The following CNTN4 variants were observed in gnomAD, a reference collection of about 807,000 sequenced individuals.
CNTN4 encodes contactin 4.
Under a neutral mutation model 122.5 loss-of-function variants are expected in CNTN4, and 77 were observed. The observed-to-expected ratio is 0.63, with a 90% confidence interval of 0.52 to 0.76. The LOEUF is 0.76. Ranked by LOEUF, CNTN4 falls within the 30% of genes least tolerant of loss-of-function variation. The probability of loss-of-function intolerance (pLI) is 0.00; values close to 1 mark genes in which losing one functional copy is unlikely to be tolerated. For synonymous variants in CNTN4, 512 were observed against 447.0 expected (o/e 1.15, Z -1.83); for missense variants, 1,256 against 1,259.1 (o/e 1.00, Z 0.04).
At chr3:2,898,300 C>A (rs146201655) in intron 10 of CNTN4, among the ~76,000 whole-genome samples, 1 of 152,304 alleles carries the variant, frequency 6.6e-6, no homozygotes, top group African/African-American at 2.4e-5. Flanking sequence ...TCAAATTTGT[C>A]TTCTATGAAT....
At chr3:2,589,566 T>A (rs2080365112) in intron 4 of CNTN4, among the ~76,000 whole-genome samples, 1 of 152,106 alleles carries the variant, frequency 6.6e-6, no homozygotes. Context: ...CATTCTCAAC[T>A]TTTTTTTCAC....
chr3:2,651,087 T>C (rs1453448980), intron 4 of CNTN4, among the ~76,000 whole-genome samples: 1 of 152,224 alleles, frequency 6.6e-6, no homozygotes, highest in Non-Finnish European at 1.5e-5. Context: ...CAAGTTTATA[T>C]GTCAAAAAGA....
chr3:2,295,817 CAT>C (rs1229339358), intron 2 of CNTN4, among the ~76,000 whole-genome samples: 52 of 152,232 alleles, frequency 3.4e-4, no homozygotes, highest in African/African-American at 1.2e-3. Context: ...TTAGGTCTAA[CAT>C]GTGAGTCTTT....
intron 2 of CNTN4, among the ~76,000 whole-genome samples, chr3:2,292,709 T>C (rs763141689): frequency 6.6e-6 from 1 of 152,232 alleles, no homozygotes; most frequent in East Asian, 1.9e-4. Flanking sequence ...CTCAACATTT[T>C]AATATTCATA....
intron 4 of CNTN4, among the ~76,000 whole-genome samples, chr3:2,685,283 T>G (rs1278838388): frequency 6.6e-6 from 1 of 152,136 alleles, no homozygotes; most frequent in Non-Finnish European, 1.5e-5. Context: ...AGAGAAGTAA[T>G]GGGGAGTGAA....
intron 5 of CNTN4, among the ~76,000 whole-genome samples, chr3:2,738,687 A>G (rs929514969): frequency 1.3e-5 from 2 of 152,204 alleles, no homozygotes; most frequent in Non-Finnish European, 2.9e-5. Context: ...TAAAAGATGT[A>G]CTAGACAATG....
intron 3 of CNTN4, among the ~76,000 whole-genome samples, chr3:2,484,661 T>A (rs1305178151): frequency 6.6e-6 from 1 of 152,214 alleles, no homozygotes; most frequent in Non-Finnish European, 1.5e-5. Context: ...ACATCCACAG[T>A]GAGGAACTGC....
At chr3:2,110,119 T>A (rs1281342402) in intron 2 of CNTN4, among the ~76,000 whole-genome samples, 1 of 152,236 alleles carries the variant, frequency 6.6e-6, no homozygotes, top group Non-Finnish European at 1.5e-5. Flanking sequence ...GGGATCACCA[T>A]GATAAACATA....
chr3:2,373,164 T>C (rs979309497), intron 3 of CNTN4, among the ~76,000 whole-genome samples: 2 of 152,226 alleles, frequency 1.3e-5, no homozygotes, highest in Non-Finnish European at 2.9e-5. Context: ...GACCAATTAA[T>C]CTCAAAGTTT....
chr3:2,587,565 T>C (rs1048947424), intron 4 of CNTN4, among the ~76,000 whole-genome samples: 2 of 152,234 alleles, frequency 1.3e-5, no homozygotes, highest in African/African-American at 2.4e-5. Context: ...ACTTTGGTTT[T>C]AATGTAATAT....
At chr3:2,715,149 A>G (rs1477182556) in intron 4 of CNTN4, among the ~76,000 whole-genome samples, 2 of 152,208 alleles carry the variant, frequency 1.3e-5, no homozygotes, top group African/African-American at 4.8e-5. Context: ...CCACCAGGAA[A>G]GGAATCAATA....
chr3:2,394,198 G>A (rs541867357), intron 3 of CNTN4, among the ~76,000 whole-genome samples: 1 of 151,834 alleles, frequency 6.6e-6, no homozygotes. Context: ...ATGAAAAAAA[G>A]GCATAATAGC....
intron 22 of CNTN4, 43 bp downstream of exon 22, chr3:3,043,206 A>C (rs1700321517): frequency 6.4e-7 from 1 of 1,571,344 alleles, no homozygotes; most frequent in Admixed American, 1.7e-5. Context: ...GATTCATCAC[A>C]CATATCCCAA....
intron 4 of CNTN4, among the ~76,000 whole-genome samples, chr3:2,588,741 C>T (rs1362859729): frequency 7.0e-6 from 1 of 142,104 alleles, no homozygotes; most frequent in Admixed American, 7.4e-5. Context: ...GTGCATCTTG[C>T]GTTTTTAGAA....
intron 12 of CNTN4, among the ~76,000 whole-genome samples, chr3:2,917,170 G>A (rs1468522509): frequency 8.0e-5 from 12 of 149,944 alleles, no homozygotes; most frequent in East Asian, 2.0e-4. Context: ...GCGTGGCGGC[G>A]CGCGCCTGCA....
chr3:2,516,979 T>C (rs2077057854), intron 3 of CNTN4, among the ~76,000 whole-genome samples: 1 of 152,042 alleles, frequency 6.6e-6, no homozygotes, highest in Admixed American at 6.6e-5. Context: ...GAGGAATGAC[T>C]GTATTGTGGT....
chr3:3,027,868 CT>C (rs1698860499), intron 15 of CNTN4, among the ~76,000 whole-genome samples: 2 of 152,316 alleles, frequency 1.3e-5, no homozygotes, highest in South Asian at 4.1e-4. Flanking sequence ...TGATGACTAC[CT>C]TTTGTAAAGA....
chr3:3,005,314 A>G (rs762332951), intron 14 of CNTN4, among the ~76,000 whole-genome samples: 2 of 152,048 alleles, frequency 1.3e-5, no homozygotes, highest in East Asian at 1.9e-4. Context: ...TTTAATTTCT[A>G]CTTCCTTTTT....
intron 6 of CNTN4, among the ~76,000 whole-genome samples, chr3:2,791,199 T>G (rs1363490381): frequency 6.6e-6 from 1 of 152,172 alleles, no homozygotes; most frequent in East Asian, 1.9e-4. Context: ...GTGGTATTAT[T>G]GTTATTTTTA....
Sources: allele counts gnomAD v4.1 joint callset (sites outside exome capture counted in the v4.1 genomes callset), GRCh38; gene constraint gnomAD v4.1.1; transcripts MANE v1.5; gene names NCBI Gene and HGNC (gene_info 2026-07-23, HGNC 2026-07-21).